The following ADAM23 variants were observed in gnomAD, a reference collection of about 807,000 sequenced individuals.
ADAM23 encodes the protein ADAM metallopeptidase domain 23, also known as disintegrin and metalloproteinase domain-containing protein 23.
A neutral mutation model predicts 120.1 loss-of-function variants in ADAM23; 33 were observed. That is an observed-to-expected ratio of 0.27 (90% CI 0.21 to 0.37). ADAM23 has a LOEUF of 0.37. Among genes scored for constraint, ADAM23 ranks in the 10% least tolerant of loss-of-function variants. ADAM23 has a pLI of 1.00. For synonymous variants in ADAM23, 367 were observed against 375.2 expected (o/e 0.98, Z 0.25); for missense variants, 862 against 1,058.2 (o/e 0.81, Z 2.57).
At chr2:206,601,608 A>T (rs578113230) in intron 24 of ADAM23, among the ~76,000 whole-genome samples, 1 of 152,058 alleles carries the variant, frequency 6.6e-6, no homozygotes, top group South Asian at 2.1e-4. Context: ...CCCCGTCTAT[A>T]TAAAAAAATA....
chr2:206,556,663 T>G (rs1337245210), intron 9 of ADAM23, among the ~76,000 whole-genome samples: 1 of 152,208 alleles, frequency 6.6e-6, no homozygotes, highest in African/African-American at 2.4e-5. Context: ...GTAGAATTAC[T>G]CTATTAATTT....
At chr2:206,563,252 C>T (rs1436504266) in intron 13 of ADAM23, among the ~76,000 whole-genome samples, 3 of 152,188 alleles carry the variant, frequency 2.0e-5, no homozygotes, top group Non-Finnish European at 4.4e-5. Context: ...GTAAAGGTCT[C>T]ACTTACCACC....
intron 3 of ADAM23, among the ~76,000 whole-genome samples, chr2:206,506,501 C>T (rs1482493628): frequency 6.6e-6 from 1 of 152,200 alleles, no homozygotes; most frequent in African/African-American, 2.4e-5. Flanking sequence ...GTTTAGGAGT[C>T]TTTCTCCAGG....
At chr2:206,479,716 T>C (rs1695856528) in intron 2 of ADAM23, among the ~76,000 whole-genome samples, 2 of 152,126 alleles carry the variant, frequency 1.3e-5, no homozygotes, top group Admixed American at 1.3e-4. Context: ...CTCATAGTTG[T>C]ATGGATACAG....
intron 3 of ADAM23, among the ~76,000 whole-genome samples, chr2:206,508,669 A>AG (rs1696554872): frequency 1.3e-5 from 2 of 150,820 alleles, no homozygotes; most frequent in Admixed American, 6.6e-5. Flanking sequence ...AAAAAAAAAA[A>AG]AAAGAAAGAA....
At chr2:206,507,344 GT>G (rs1020002609) in intron 3 of ADAM23, among the ~76,000 whole-genome samples, 8 of 152,074 alleles carry the variant, frequency 5.3e-5, no homozygotes, top group African/African-American at 1.9e-4. Flanking sequence ...ATCCCCCTGG[GT>G]ACTGTCCTCA....
At chr2:206,573,269 C>A in intron 18 of ADAM23, 74 bp downstream of exon 18, 1 of 1,386,700 alleles carries the variant, frequency 7.2e-7, no homozygotes, top group Admixed American at 1.7e-5. Flanking sequence ...GTGCTTGGGG[C>A]CAGAAGTGTT....
intron 23 of ADAM23, among the ~76,000 whole-genome samples, chr2:206,595,298 A>G (rs1698502977): frequency 6.6e-6 from 1 of 152,226 alleles, no homozygotes; most frequent in Non-Finnish European, 1.5e-5. Flanking sequence ...TGTGTTTCTC[A>G]GGGAGATAAG....
Position 206,444,098 on chromosome 2 carries a change from C to A in ADAM23, c.214+18C>A. ...GCCCAGCGGTGGGTATGGCCCCGTGCCCTTTGCGTTGGCTTTCCCGCGGGG... is the reference window on the plus strand; with the variant it reads ...GCCCAGCGGTGGGTATGGCCCCGTGACCTTTGCGTTGGCTTTCCCGCGGGG... On this transcript the variant is annotated intron_variant, in intron 1 of 25. Coordinates refer to ENST00000264377, the MANE Select transcript of ADAM23 (RefSeq NM_003812.4). 1 of 1,293,508 alleles carries A rather than the reference C, an allele frequency of 7.7e-7. No homozygotes were observed. The highest frequency in any genetic ancestry group is 9.8e-7 in the Non-Finnish European group (1 of 1,019,346). The allele number at this position is 1,293,508 out of a possible 1,614,324, so 80.1% of individuals were successfully genotyped here. A position where few individuals can be genotyped will look rare whatever the true frequency, so the allele number is the denominator to read the frequency against.
At chr2:206,580,427 G>A (rs942451954) in intron 18 of ADAM23, among the ~76,000 whole-genome samples, 1 of 152,130 alleles carries the variant, frequency 6.6e-6, no homozygotes, top group Non-Finnish European at 1.5e-5. Flanking sequence ...TAATGATAAA[G>A]GGATGCTGGA....
chr2:206,570,605 A>G (rs1296274410), intron 15 of ADAM23, 135 bp from the exon 16 acceptor site: 2 of 638,752 alleles, frequency 3.1e-6, no homozygotes, highest in Non-Finnish European at 5.6e-6. Context: ...ATCATTTATA[A>G]GATGCCACAA....
At chr2:206,497,601 G>T (rs1696283032) in intron 3 of ADAM23, among the ~76,000 whole-genome samples, 1 of 152,152 alleles carries the variant, frequency 6.6e-6, no homozygotes, top group Non-Finnish European at 1.5e-5. Context: ...ACAAGACAGG[G>T]ATGCCCTCTC....
chr2:206,548,215 A>G lies in ADAM23; in HGVS notation c.794-66A>G, dbSNP rs1697438885. The G allele has an allele frequency of 4.2e-6, 6 of 1,444,288 alleles. No homozygotes were observed. The South Asian group carries it at 5.8e-5, about 14-fold the overall frequency. 89.5% of individuals were successfully genotyped at this position (1,444,288 alleles called of 1,614,324 possible). A position where few individuals can be genotyped will look rare whatever the true frequency, so the allele number is the denominator to read the frequency against. The stretch of plus-strand genomic sequence containing the variant: ...ATCAGTGCCACTGTTTCTTCATGTA[A>G]TATTTTAAAACATACTCCCATTGAA... On this transcript the variant is annotated intron_variant, in intron 7 of 25. Coordinates refer to ENST00000264377, the MANE Select transcript of ADAM23 (RefSeq NM_003812.4).
intron 3 of ADAM23, among the ~76,000 whole-genome samples, chr2:206,500,579 A>T (rs577926463): frequency 5.1e-4 from 78 of 152,288 alleles, no homozygotes; most frequent in Admixed American, 7.2e-4. Flanking sequence ...AATACCTTTC[A>T]CAGAGAAGCA....
At chr2:206,445,123 C>A (rs563933471) in intron 1 of ADAM23, among the ~76,000 whole-genome samples, 184 bp from the exon 2 acceptor site, 1 of 152,124 alleles carries the variant, frequency 6.6e-6, no homozygotes, top group Admixed American at 6.5e-5. Flanking sequence ...CTTCTCCAGG[C>A]CATTTTATTG....
intron 18 of ADAM23, among the ~76,000 whole-genome samples, chr2:206,576,796 C>T (rs1698124775): frequency 6.6e-6 from 1 of 152,072 alleles, no homozygotes; most frequent in Admixed American, 6.6e-5. Context: ...ATAAACAATA[C>T]TTACGTAATT....
intron 13 of ADAM23, among the ~76,000 whole-genome samples, chr2:206,563,442 C>G (rs1697811336): frequency 3.3e-5 from 5 of 152,264 alleles, no homozygotes; most frequent in South Asian, 4.1e-4. Context: ...TGGCATTTCA[C>G]AAACCTCCGC....
chr2:206,501,758 G>T (rs1696392053), intron 3 of ADAM23, among the ~76,000 whole-genome samples: 1 of 152,032 alleles, frequency 6.6e-6, no homozygotes, highest in Admixed American at 6.6e-5. Context: ...GTTGAATTCT[G>T]CCAGATTTTG....
intron 25 of ADAM23, 83 bp from the exon 26 acceptor site, chr2:206,617,493 TATC>T (rs2105870579): frequency 2.1e-6 from 3 of 1,425,208 alleles, no homozygotes; most frequent in African/African-American, 2.9e-5. Context: ...TTATTGTCAT[TATC>T]ATCACCATTC....
Sources: allele counts gnomAD v4.1 joint callset (sites outside exome capture counted in the v4.1 genomes callset), GRCh38; gene constraint gnomAD v4.1.1; transcripts MANE v1.5; gene names NCBI Gene and HGNC (gene_info 2026-07-23, HGNC 2026-07-21).